UNC5D: variants seen among roughly 807,000 people sequenced by gnomAD.
UNC5D encodes the protein netrin receptor UNC5D.
In UNC5D, 39 loss-of-function variants were observed where a neutral mutation model predicts 105.4. The ratio of observed to expected loss-of-function variants is 0.37; its 90% CI spans 0.29 to 0.48. UNC5D has a LOEUF of 0.48. UNC5D is among the 20% of genes least tolerant of loss of function. The pLI, the probability that UNC5D is intolerant of heterozygous loss-of-function variation, is 0.98. For missense variants in UNC5D, 991 were observed against 1,202.4 expected, an observed-to-expected ratio of 0.82 and a Z score of 2.60; for synonymous variants, 452 against 450.4, an observed-to-expected ratio of 1.00 and a Z score of -0.04.
chr8:35,730,517 T>G (rs1829128251), intron 10 of UNC5D, among the ~76,000 whole-genome samples: 2 of 152,168 alleles, frequency 1.3e-5, no homozygotes, highest in Admixed American at 1.3e-4. Context: ...AGTACCACCT[T>G]CAACTTGCTT....
In UNC5D at chr8:35,451,821, T is replaced by A. The variant is rs556160304; in HGVS notation, c.104-97471T>A. Among the ~76,000 whole-genome samples the A allele has an allele frequency of 5.9e-5, 9 of 152,248 alleles. No homozygotes were observed. The East Asian group carries it at 1.7e-3, about 29-fold the overall frequency. Reference sequence around the variant, plus strand: ...CTTTCTAGTGGTTGATTTCTCAAATTCATGTTGTTCTGCACAGTGTGATAT... The same window carrying A: ...CTTTCTAGTGGTTGATTTCTCAAATACATGTTGTTCTGCACAGTGTGATAT... On this transcript the variant is annotated intron_variant, in intron 1 of 16. Transcript: ENST00000404895.
chr8:35,638,646 A>T (rs977015122), intron 4 of UNC5D, among the ~76,000 whole-genome samples: 3 of 152,070 alleles, frequency 2.0e-5, no homozygotes, highest in African/African-American at 7.2e-5. Context: ...AAAATAAAAA[A>T]TTAGAGTGTA....
chr8:35,645,329 GATTA>G (rs1454325209), intron 4 of UNC5D, among the ~76,000 whole-genome samples: 1 of 152,140 alleles, frequency 6.6e-6, no homozygotes, highest in Admixed American at 6.5e-5. Flanking sequence ...TGGTTGCTCT[GATTA>G]ATTAATTATT....
chr8:35,287,133 A>G (rs1806656834), intron 1 of UNC5D, among the ~76,000 whole-genome samples: 1 of 152,230 alleles, frequency 6.6e-6, no homozygotes, highest in Non-Finnish European at 1.5e-5. Flanking sequence ...GTAAAGATCT[A>G]TAACCACCAA....
At chr8:35,268,801 G>A (rs1197904042) in intron 1 of UNC5D, among the ~76,000 whole-genome samples, 2 of 152,046 alleles carry the variant, frequency 1.3e-5, no homozygotes, top group African/African-American at 4.8e-5. Context: ...TAAGGATGAG[G>A]AATACAGTCA....
At chr8:35,422,973 G>A (rs1806013709) in intron 1 of UNC5D, among the ~76,000 whole-genome samples, 1 of 152,200 alleles carries the variant, frequency 6.6e-6, no homozygotes, top group Non-Finnish European at 1.5e-5. Flanking sequence ...ACAAGTTTCA[G>A]TGACTTGCCT....
At chr8:35,710,920 A>G (rs921840912) in intron 8 of UNC5D, among the ~76,000 whole-genome samples, 2 of 148,808 alleles carry the variant, frequency 1.3e-5, no homozygotes, top group African/African-American at 5.0e-5. Flanking sequence ...CCTCTTCAGT[A>G]GCTCAGCATT....
In UNC5D at chr8:35,448,779, C is replaced by T. The variant is rs575837486; in HGVS notation, c.104-100513C>T. On this transcript the variant is annotated intron_variant, in intron 1 of 16. Coordinates refer to ENST00000404895, the MANE Select transcript of UNC5D (RefSeq NM_080872.4). ...ACCCCTCTCCCACCCTTTCACCCTT[C>T]CAAATCTTAATATCTGTTATTCTAT... is the stretch of plus-strand genomic sequence containing the variant. Among the ~76,000 whole-genome samples, 16 of 152,212 alleles carry T rather than the reference C, an allele frequency of 1.1e-4. 1 individual carries two copies. Among genetic ancestry groups the T allele is most frequent in the African/African-American group, 3.9e-4 (16 of 41,552 alleles).
intron 8 of UNC5D, among the ~76,000 whole-genome samples, chr8:35,710,670 T>G (rs2131479189): frequency 6.6e-6 from 1 of 152,020 alleles, no homozygotes; most frequent in South Asian, 2.1e-4. Context: ...GACATTAACA[T>G]TTAGATGTAG....
chr8:35,642,988 G>C (rs556212952), intron 4 of UNC5D, among the ~76,000 whole-genome samples: 1 of 152,104 alleles, frequency 6.6e-6, no homozygotes, highest in Non-Finnish European at 1.5e-5. Flanking sequence ...AAACATGCTA[G>C]GAAGACATCC....
chr8:35,355,834 C>T (rs1478464842), intron 1 of UNC5D, among the ~76,000 whole-genome samples: 2 of 152,102 alleles, frequency 1.3e-5, no homozygotes, highest in Admixed American at 1.3e-4. Context: ...ACCATCCCTT[C>T]CACCAAGTGA....
intron 1 of UNC5D, among the ~76,000 whole-genome samples, chr8:35,486,968 C>A (rs1345856476): frequency 1.3e-5 from 2 of 152,098 alleles, no homozygotes; most frequent in Non-Finnish European, 2.9e-5. Context: ...CAGGACAGGG[C>A]TCAGGCTAGA....
intron 4 of UNC5D, among the ~76,000 whole-genome samples, chr8:35,664,250 T>C (rs1038307464): frequency 1.3e-5 from 2 of 152,220 alleles, no homozygotes; most frequent in African/African-American, 4.8e-5. Context: ...ATGATGATTC[T>C]ACAGATCCTG....
At chr8:35,700,678 G>A (rs1458375966) in intron 7 of UNC5D, among the ~76,000 whole-genome samples, 1 of 152,092 alleles carries the variant, frequency 6.6e-6, no homozygotes, top group Non-Finnish European at 1.5e-5. Context: ...TTGAGTTGAC[G>A]ATGGAGAGAG....
At chr8:35,589,756 G>A (rs192324016) in intron 3 of UNC5D, among the ~76,000 whole-genome samples, 1 of 152,166 alleles carries the variant, frequency 6.6e-6, no homozygotes, top group East Asian at 1.9e-4. Context: ...TACAATAAGT[G>A]GACTTTTGTG....
chr8:35,701,568 G>A (rs1464254560), intron 7 of UNC5D, among the ~76,000 whole-genome samples: 1 of 152,058 alleles, frequency 6.6e-6, no homozygotes, highest in Non-Finnish European at 1.5e-5. Context: ...AATTAAAGGT[G>A]AAAAAGAAAT....
chr8:35,559,053 C>T (rs1326984724), intron 2 of UNC5D, among the ~76,000 whole-genome samples: 2 of 152,180 alleles, frequency 1.3e-5, no homozygotes, highest in East Asian at 1.9e-4. Flanking sequence ...AGAGAACTGA[C>T]CAAGGCCCAG....
intron 1 of UNC5D, among the ~76,000 whole-genome samples, chr8:35,437,462 C>G (rs562750948): frequency 6.6e-6 from 1 of 152,128 alleles, no homozygotes; most frequent in East Asian, 1.9e-4. Context: ...AATTGTTCAG[C>G]TGAAGGAAAT....
intron 9 of UNC5D, chr8:35,724,336 T>C (rs1828743051): frequency 2.6e-6 from 4 of 1,528,716 alleles, no homozygotes; most frequent in Non-Finnish European, 3.5e-6. Context: ...ATCTGCCTCA[T>C]GCTGATATCA....
Sources: allele counts gnomAD v4.1 joint callset (sites outside exome capture counted in the v4.1 genomes callset), GRCh38; gene constraint gnomAD v4.1.1; transcripts MANE v1.5; gene names NCBI Gene and HGNC (gene_info 2026-07-23, HGNC 2026-07-21).